The following RBFOX1 variants were observed in gnomAD, a reference collection of about 807,000 sequenced individuals.
RBFOX1 encodes RNA binding protein fox-1 homolog 1.
RBFOX1 carries 8 observed loss-of-function variants against 57.7 expected under a neutral mutation model. The observed-to-expected ratio is 0.14, with a 90% CI of 0.08 to 0.25. The LOEUF (loss-of-function observed/expected upper bound fraction) is 0.25, where lower values mean the gene tolerates loss of function less well. Among genes scored for constraint, RBFOX1 ranks in the 10% least tolerant of loss-of-function variants. The pLI is 1.00. For synonymous variants in RBFOX1, 326 were observed against 222.4 expected, an observed-to-expected ratio of 1.47 and a Z score of -4.15; for missense variants, 611 against 548.5, an observed-to-expected ratio of 1.11 and a Z score of -1.14.
intron 3 of RBFOX1, among the ~76,000 whole-genome samples, chr16:6,769,442 A>G (rs1283544076): frequency 6.6e-6 from 1 of 152,244 alleles, no homozygotes; most frequent in African/African-American, 2.4e-5. Context: ...TCCATGAGCT[A>G]CATCTCCACT....
intron 1 of RBFOX1, among the ~76,000 whole-genome samples, chr16:6,290,776 A>T (rs1167745836): frequency 6.6e-6 from 1 of 152,254 alleles, no homozygotes; most frequent in Non-Finnish European, 1.5e-5. Flanking sequence ...TTTAAAATAC[A>T]TAAGAAACTA....
At chr16:5,579,430 G>C (rs1185639578) in intron 2 of RBFOX1, among the ~76,000 whole-genome samples, 1 of 151,920 alleles carries the variant, frequency 6.6e-6, no homozygotes, top group Non-Finnish European at 1.5e-5. Context: ...GCCTCTTACT[G>C]TGCTCCCCGC....
At chr16:5,843,117 A>T (rs185870322) in intron 3 of RBFOX1, among the ~76,000 whole-genome samples, 2 of 152,142 alleles carry the variant, frequency 1.3e-5, no homozygotes, top group African/African-American at 4.8e-5. Flanking sequence ...GTGAGCCACC[A>T]CGCCAGGCCT....
chr16:5,267,402 A>G (rs1048540475), intron 1 of RBFOX1, among the ~76,000 whole-genome samples: 2 of 151,794 alleles, frequency 1.3e-5, no homozygotes, highest in African/African-American at 2.4e-5. Context: ...GGTTCAAGCA[A>G]TGCTTGTGCC....
At chr16:6,913,431 C>T (rs770616225) in intron 3 of RBFOX1, among the ~76,000 whole-genome samples, 11 of 152,130 alleles carry the variant, frequency 7.2e-5, no homozygotes, top group Admixed American at 5.9e-4. Context: ...GAACATCTTT[C>T]CTCTCATATC....
chr16:6,998,719 T>C (rs2092486524), intron 3 of RBFOX1, among the ~76,000 whole-genome samples: 1 of 152,150 alleles, frequency 6.6e-6, no homozygotes, highest in African/African-American at 2.4e-5. Flanking sequence ...ACAGGTTGTC[T>C]TGTACAGAAA....
rs200183777 is a variant in RBFOX1 at position 7,709,160 on chromosome 16, T to A, written c.1071+29T>A. On this transcript the variant is annotated intron_variant, in intron 15 of 15. Transcript: ENST00000550418. ...AGTACAAGTTTCTCCTTGTCCTCAC[T>A]TCCTCCTGCCTCCCTTCCCTTTCCC... The A allele has an allele frequency of 4.7e-4, 736 of 1,572,588 alleles. 1 individual carries two copies. The highest frequency in any genetic ancestry group is 6.6e-4 in the Admixed American group (39 of 59,380).
intron 3 of RBFOX1, among the ~76,000 whole-genome samples, chr16:6,970,113 G>C (rs1306636691): frequency 6.6e-6 from 1 of 151,996 alleles, no homozygotes; most frequent in Non-Finnish European, 1.5e-5. Context: ...AGGGGTTCAA[G>C]ACTGAAGCGA....
At chr16:5,707,233 A>T (rs2051285793) in intron 3 of RBFOX1, among the ~76,000 whole-genome samples, 1 of 152,186 alleles carries the variant, frequency 6.6e-6, no homozygotes, top group Non-Finnish European at 1.5e-5. Flanking sequence ...GCCCTCTTTA[A>T]ACAGAAAGAG....
chr16:7,626,399 G>C (rs979514307), intron 10 of RBFOX1, among the ~76,000 whole-genome samples: 3 of 152,206 alleles, frequency 2.0e-5, no homozygotes, highest in Admixed American at 6.5e-5. Context: ...TTCCTCACTG[G>C]AGGATTCAAA....
At chr16:6,497,241 G>C (rs977724202) in intron 2 of RBFOX1, among the ~76,000 whole-genome samples, 1 of 152,202 alleles carries the variant, frequency 6.6e-6, no homozygotes, top group Non-Finnish European at 1.5e-5. Flanking sequence ...GGAGAAAGAG[G>C]AGGAGCTTGT....
intron 11 of RBFOX1, among the ~76,000 whole-genome samples, chr16:7,637,266 C>G (rs897197830): frequency 8.4e-6 from 1 of 119,650 alleles, no homozygotes; most frequent in Non-Finnish European, 1.7e-5. Context: ...ATACCCTTCC[C>G]TCCTCAAAAA....
chr16:6,404,061 C>T (rs998297987), intron 2 of RBFOX1, among the ~76,000 whole-genome samples: 1 of 152,108 alleles, frequency 6.6e-6, no homozygotes, highest in African/African-American at 2.4e-5. Flanking sequence ...CTCACCTAGC[C>T]TATACAGCTG....
intron 2 of RBFOX1, among the ~76,000 whole-genome samples, chr16:6,507,566 C>A (rs1398576729): frequency 6.7e-6 from 1 of 150,322 alleles, no homozygotes; most frequent in African/African-American, 2.4e-5. Context: ...CAGCTACCCC[C>A]AGGCTGAGGT....
At chr16:5,847,453 T>G (rs2056786795) in intron 3 of RBFOX1, among the ~76,000 whole-genome samples, 1 of 152,126 alleles carries the variant, frequency 6.6e-6, no homozygotes, top group Admixed American at 6.5e-5. Context: ...GAGATCTTTT[T>G]CCAGATAGAT....
chr16:7,332,553 T>C (rs922646637), intron 4 of RBFOX1, among the ~76,000 whole-genome samples: 2 of 152,156 alleles, frequency 1.3e-5, no homozygotes, highest in African/African-American at 4.8e-5. Flanking sequence ...CTCAGTTTAT[T>C]TTTCCCTAAA....
chr16:6,458,400 G>C (rs1012555139), intron 2 of RBFOX1, among the ~76,000 whole-genome samples: 6 of 152,180 alleles, frequency 3.9e-5, no homozygotes, highest in Admixed American at 2.6e-4. Flanking sequence ...AATGAAGATA[G>C]CCGTAGAACC....
intron 13 of RBFOX1, among the ~76,000 whole-genome samples, chr16:7,673,115 C>G (rs1432392459): frequency 6.6e-6 from 1 of 152,068 alleles, no homozygotes; most frequent in Non-Finnish European, 1.5e-5. Flanking sequence ...GTAACACGTA[C>G]ATGTTACAGT....
chr16:7,515,662 G>T (rs1437427147), intron 4 of RBFOX1, among the ~76,000 whole-genome samples: 1 of 152,196 alleles, frequency 6.6e-6, no homozygotes, highest in African/African-American at 2.4e-5. Context: ...GACATTTACT[G>T]ACTTGTGTAA....
Sources: gnomAD v4.1 joint callset for allele counts (sites outside exome capture counted in the v4.1 genomes callset) on GRCh38, gnomAD v4.1.1 for gene constraint, MANE v1.5 for transcripts, NCBI Gene and HGNC (gene_info 2026-07-23, HGNC 2026-07-21) for gene names.